ASIC2: variants seen among roughly 807,000 people sequenced by gnomAD.
ASIC2 encodes the protein acid-sensing ion channel 2.
Under a neutral mutation model 57.3 loss-of-function variants are expected in ASIC2, and 25 were observed. The ratio of observed to expected loss-of-function variants is 0.44; its 90% CI spans 0.32 to 0.61. The LOEUF (loss-of-function observed/expected upper bound fraction) is 0.61, where lower values mean the gene tolerates loss of function less well. Among genes scored for constraint, ASIC2 ranks in the 20% least tolerant of loss-of-function variants. The pLI is 0.06. For synonymous variants in ASIC2, 319 were observed against 307.5 expected, an observed-to-expected ratio of 1.04 and a Z score of -0.39; for missense variants, 641 against 738.1, an observed-to-expected ratio of 0.87 and a Z score of 1.52.
At chr17:33,957,421 A>G (rs543472286) in intron 1 of ASIC2, among the ~76,000 whole-genome samples, 25 of 152,322 alleles carry the variant, frequency 1.6e-4, no homozygotes, top group African/African-American at 6.0e-4. Context: ...GAAACTGGGT[A>G]ATTTATAAAG....
chr17:33,023,759 A>G, intron 6 of ASIC2, 102 bp downstream of exon 6: 1 of 1,501,878 alleles, frequency 6.7e-7, no homozygotes, highest in Non-Finnish European at 9.1e-7. Context: ...ATGTTTGCTA[A>G]CTTGAACCAA....
At chr17:33,214,335 G>A (rs1018760225) in intron 1 of ASIC2, among the ~76,000 whole-genome samples, 2 of 152,050 alleles carry the variant, frequency 1.3e-5, no homozygotes, top group South Asian at 2.1e-4. Context: ...TACAACACTG[G>A]GCTGATGGCC....
chr17:33,877,682 G>A (rs1377725610), intron 1 of ASIC2, among the ~76,000 whole-genome samples: 2 of 152,242 alleles, frequency 1.3e-5, no homozygotes, highest in Admixed American at 6.5e-5. Flanking sequence ...ACCTCTGGGG[G>A]CAGGGCACAG....
intron 2 of ASIC2, among the ~76,000 whole-genome samples, chr17:33,108,187 TG>T (rs1225580441): frequency 6.6e-6 from 1 of 152,120 alleles, no homozygotes; most frequent in Non-Finnish European, 1.5e-5. Flanking sequence ...AGAGCTGGGA[TG>T]GGGTCTTGGG....
chr17:33,634,798 C>T (rs969110680), intron 1 of ASIC2: 7 of 151,818 alleles, frequency 4.6e-5, no homozygotes, highest in Admixed American at 1.3e-4. Flanking sequence ...CGTGATCCAC[C>T]TGCCTCAGCC....
chr17:33,261,340 G>A (rs1485449397), intron 1 of ASIC2, among the ~76,000 whole-genome samples: 2 of 152,156 alleles, frequency 1.3e-5, no homozygotes, highest in African/African-American at 4.8e-5. Flanking sequence ...TGTTGTTTGT[G>A]GATTAGAAAA....
chr17:33,228,734 C>T (rs1323965840), intron 1 of ASIC2, among the ~76,000 whole-genome samples: 2 of 152,232 alleles, frequency 1.3e-5, no homozygotes, highest in African/African-American at 4.8e-5. Context: ...CTGCCAGTTA[C>T]AATCTACATG....
In ASIC2 at chr17:33,491,263, G is replaced by A. The variant is rs557550777; in HGVS notation, c.556-379196C>T. ...GCCAGAACACACACACAGACAATGG[G>A]GAAGGGAGGGATGCATCACAAGATT... is the stretch of plus-strand genomic sequence containing the variant. On this transcript the variant is annotated intron_variant, in intron 1 of 9. Transcript: ENST00000359872. Among the ~76,000 whole-genome samples the A allele has an allele frequency of 1.4e-4, 21 of 152,288 alleles. No homozygotes were observed. The East Asian group carries it at 3.9e-3, about 28-fold the overall frequency.
At chr17:33,579,227 A>G (rs1313195062) in intron 1 of ASIC2, among the ~76,000 whole-genome samples, 18 of 149,642 alleles carry the variant, frequency 1.2e-4, no homozygotes, top group South Asian at 2.1e-4. Flanking sequence ...CAGAGGTTGC[A>G]GTGAGCCAAA....
intron 1 of ASIC2, among the ~76,000 whole-genome samples, chr17:33,354,570 T>C (rs1029782619): frequency 6.6e-6 from 1 of 152,096 alleles, no homozygotes; most frequent in African/African-American, 2.4e-5. Flanking sequence ...GCTTGCTCTC[T>C]GCTTTCCAGC....
intron 1 of ASIC2, among the ~76,000 whole-genome samples, chr17:33,866,409 A>G (rs1460329746): frequency 6.6e-6 from 1 of 152,144 alleles, no homozygotes; most frequent in Non-Finnish European, 1.5e-5. Flanking sequence ...CTATTGATGA[A>G]AATTTTGATT....
chr17:34,011,194 C>T (rs976511152), intron 1 of ASIC2, among the ~76,000 whole-genome samples: 9 of 152,006 alleles, frequency 5.9e-5, no homozygotes, highest in African/African-American at 1.9e-4. Flanking sequence ...GATGCACACA[C>T]ACATAGACAT....
intron 1 of ASIC2, among the ~76,000 whole-genome samples, chr17:33,138,982 C>A (rs1183389421): frequency 6.6e-6 from 1 of 152,156 alleles, no homozygotes; most frequent in Non-Finnish European, 1.5e-5. Flanking sequence ...GAATTCAGTA[C>A]CCTGGCATGT....
chr17:33,614,234 T>C (rs1269479326), intron 1 of ASIC2, among the ~76,000 whole-genome samples: 1 of 152,214 alleles, frequency 6.6e-6, no homozygotes, highest in African/African-American at 2.4e-5. Flanking sequence ...ACTATTTTCA[T>C]TAACAGGCTA....
rs546688000 is a variant in ASIC2, at chr17:33,535,920, G to T, written c.556-423853C>A. Among the ~76,000 whole-genome samples, 4 of 152,310 alleles carry T rather than the reference G, an allele frequency of 2.6e-5. No homozygotes were observed. In the South Asian group the frequency reaches 6.2e-4, roughly 24 times the overall value. On this transcript the variant is annotated intron_variant, in intron 1 of 9. Coordinates refer to the ASIC2 transcript ENST00000359872. ...GAGACATCAACTTAAATTGGACTAA[G>T]TCGTTGAGATTTCAGGAGGTATTTG...
intron 1 of ASIC2, among the ~76,000 whole-genome samples, chr17:33,268,250 T>C (rs1391309365): frequency 6.6e-6 from 1 of 152,192 alleles, no homozygotes; most frequent in Non-Finnish European, 1.5e-5. Flanking sequence ...TTGCTTATTT[T>C]AGCCAAGATC....
At chr17:34,015,092 A>C (rs1338243597) in intron 1 of ASIC2, among the ~76,000 whole-genome samples, 5 of 70,466 alleles carry the variant, frequency 7.1e-5, no homozygotes, top group African/African-American at 2.6e-4. Context: ...TTTTTTTTGT[A>C]GATACGGGGC....
intron 1 of ASIC2, among the ~76,000 whole-genome samples, chr17:33,246,690 A>G (rs1341908582): frequency 2.6e-5 from 4 of 152,260 alleles, no homozygotes; most frequent in Non-Finnish European, 4.4e-5. Context: ...GAGCAAGTGC[A>G]TAGTGCCTTA....
chr17:33,965,599 T>A (rs1905053051), intron 1 of ASIC2, among the ~76,000 whole-genome samples: 1 of 152,212 alleles, frequency 6.6e-6, no homozygotes, highest in Non-Finnish European at 1.5e-5. Context: ...TTATCTGTAC[T>A]AGCTCCCTTG....
Sources: gnomAD v4.1 joint callset for allele counts (sites outside exome capture counted in the v4.1 genomes callset) on GRCh38, gnomAD v4.1.1 for gene constraint, MANE v1.5 for transcripts, NCBI Gene and HGNC (gene_info 2026-07-23, HGNC 2026-07-21) for gene names.